Variants in LRRTM4 observed in about 807,000 individuals in gnomAD.
The protein encoded by LRRTM4 is leucine-rich repeat transmembrane neuronal protein 4.
In LRRTM4, 25 loss-of-function variants were observed where a neutral mutation model predicts 47.6. The observed-to-expected ratio is 0.53, with a 90% CI of 0.38 to 0.73. The LOEUF (loss-of-function observed/expected upper bound fraction) is 0.73. Among genes scored for constraint, LRRTM4 ranks in the 30% least tolerant of loss-of-function variants. The probability of loss-of-function intolerance (pLI) is 0.00; values close to 1 mark genes in which losing one functional copy is unlikely to be tolerated. For missense variants in LRRTM4, 638 were observed against 713.4 expected (o/e 0.89, Z 1.20); for synonymous variants, 311 against 269.5 (o/e 1.15, Z -1.51).
At chr2:77,221,010 G>T (rs2103947495) in intron 3 of LRRTM4, among the ~76,000 whole-genome samples, 1 of 152,298 alleles carries the variant, frequency 6.6e-6, no homozygotes, top group South Asian at 2.1e-4. Context: ...TGATCTCTTG[G>T]CAGAAATTCT....
chr2:77,257,849 C>T (rs548464752), intron 3 of LRRTM4, among the ~76,000 whole-genome samples: 88 of 151,978 alleles, frequency 5.8e-4, no homozygotes, highest in Non-Finnish European at 1.1e-3. Flanking sequence ...TAGCAATACC[C>T]ATAAGGGAAA....
chr2:77,389,226 T>C (rs972441914), intron 3 of LRRTM4, among the ~76,000 whole-genome samples: 1 of 152,190 alleles, frequency 6.6e-6, no homozygotes, highest in African/African-American at 2.4e-5. Flanking sequence ...TATACCTATA[T>C]TTTAATATAA....
intron 3 of LRRTM4, among the ~76,000 whole-genome samples, chr2:77,097,528 A>C (rs1670843003): frequency 6.6e-6 from 1 of 152,020 alleles, no homozygotes; most frequent in Non-Finnish European, 1.5e-5. Context: ...ACAAGATATA[A>C]TAAATAGAAA....
intron 3 of LRRTM4, among the ~76,000 whole-genome samples, chr2:77,407,933 G>A (rs1674277799): frequency 6.6e-6 from 1 of 151,138 alleles, no homozygotes; most frequent in Non-Finnish European, 1.5e-5. Flanking sequence ...TGGCAACAGA[G>A]GAAACAAATC....
At chr2:77,059,880 G>T (rs1279064841) in intron 3 of LRRTM4, among the ~76,000 whole-genome samples, 1 of 152,134 alleles carries the variant, frequency 6.6e-6, no homozygotes, top group African/African-American at 2.4e-5. Flanking sequence ...TCTCTCAAGA[G>T]CAGCAGGCTT....
chr2:76,929,263 A>G (rs541294737), intron 3 of LRRTM4, among the ~76,000 whole-genome samples: 1 of 152,268 alleles, frequency 6.6e-6, no homozygotes, highest in Non-Finnish European at 1.5e-5. Context: ...GTGGGGTGAC[A>G]TTAAACAGCT....
In LRRTM4 at chr2:77,068,140, T is replaced by G. The variant is rs550916979; in HGVS notation, c.1552-319224A>C. Among the ~76,000 whole-genome samples the G allele has an allele frequency of 9.2e-5, 14 of 152,272 alleles. 1 individual carries two copies. Among genetic ancestry groups the G allele is most frequent in the African/African-American group, 3.4e-4 (14 of 41,566 alleles). On this transcript the variant is annotated intron_variant, in intron 3 of 3. Coordinates refer to ENST00000409884, the MANE Select transcript of LRRTM4 (RefSeq NM_001134745.3). ...ATAAATATAGAGACTGGTTTATTTG[T>G]GTATAATCTATTATGGAAATAAGAC...
chr2:77,005,899 C>G (rs149028440), intron 3 of LRRTM4, among the ~76,000 whole-genome samples: 109 of 152,252 alleles, frequency 7.2e-4, no homozygotes, highest in Middle Eastern at 3.4e-3. Flanking sequence ...TTAACATCCT[C>G]TTGTGTTAGT....
intron 3 of LRRTM4, among the ~76,000 whole-genome samples, chr2:77,252,488 T>C (rs927964488): frequency 6.6e-6 from 1 of 152,194 alleles, no homozygotes; most frequent in African/African-American, 2.4e-5. Context: ...TGACTCTATG[T>C]AACCACCCTC....
chr2:76,804,731 C>T (rs1486895692), intron 3 of LRRTM4, among the ~76,000 whole-genome samples: 1 of 144,070 alleles, frequency 6.9e-6, no homozygotes, highest in African/African-American at 2.5e-5. Flanking sequence ...AATGATATAT[C>T]ATGTTTTATA....
At chr2:77,045,159 G>A (rs1679192252) in intron 3 of LRRTM4, among the ~76,000 whole-genome samples, 1 of 151,872 alleles carries the variant, frequency 6.6e-6, no homozygotes, top group Admixed American at 6.6e-5. Context: ...TACATGGAGA[G>A]GCAGGGATTG....
chr2:76,910,914 G>C (rs1674031139), intron 3 of LRRTM4, among the ~76,000 whole-genome samples: 1 of 152,162 alleles, frequency 6.6e-6, no homozygotes, highest in Admixed American at 6.6e-5. Context: ...AAAAGATGCT[G>C]ATGTGCTTAA....
intron 3 of LRRTM4, among the ~76,000 whole-genome samples, chr2:77,022,916 CA>C (rs1182719853): frequency 3.9e-5 from 6 of 152,206 alleles, no homozygotes; most frequent in Non-Finnish European, 8.8e-5. Context: ...CTCCACTAGG[CA>C]GTCCCCAGTA....
intron 3 of LRRTM4, among the ~76,000 whole-genome samples, chr2:76,911,484 T>G (rs1674053912): frequency 6.6e-6 from 1 of 152,162 alleles, no homozygotes; most frequent in African/African-American, 2.4e-5. Flanking sequence ...TTTCAAAAAT[T>G]TTAAATCCAG....
intron 3 of LRRTM4, among the ~76,000 whole-genome samples, chr2:77,223,260 T>G (rs1674696927): frequency 6.6e-6 from 1 of 152,152 alleles, no homozygotes; most frequent in Admixed American, 6.5e-5. Context: ...TCATACTGAA[T>G]GCACAAAAAC....
intron 3 of LRRTM4, among the ~76,000 whole-genome samples, chr2:77,464,498 A>G (rs946771558): frequency 1.3e-5 from 2 of 152,112 alleles, no homozygotes; most frequent in African/African-American, 4.8e-5. Context: ...AAAATTATTA[A>G]TGAGCTATTT....
At chr2:77,375,620 C>A (rs776970131) in intron 3 of LRRTM4, among the ~76,000 whole-genome samples, 26 of 151,698 alleles carry the variant, frequency 1.7e-4, no homozygotes, top group Admixed American at 3.3e-4. Flanking sequence ...CCCTTGCAAG[C>A]ACCATTCTAT....
At position 77,065,691 on chromosome 2, in the gene LRRTM4, A is replaced by G. The variant is rs369811277; in HGVS notation, c.1552-316775T>C. On this transcript the variant is annotated intron_variant, in intron 3 of 3. Coordinates refer to ENST00000409884, the MANE Select transcript of LRRTM4 (RefSeq NM_001134745.3). ...AAACAGAGTGTAACACAGGAACAAG[A>G]CATTTTGCTAAAGCTCAGTGAATTC... 3.2e-4 allele frequency among the ~76,000 whole-genome samples: 49 copies of G among 152,310 alleles called. 1 individual carries two copies. The East Asian group carries it at 3.3e-3, about 10-fold the overall frequency.
chr2:76,967,074 C>T (rs1386455249), intron 3 of LRRTM4, among the ~76,000 whole-genome samples: 1 of 151,156 alleles, frequency 6.6e-6, no homozygotes, highest in Admixed American at 6.6e-5. Flanking sequence ...CATCACATAA[C>T]ATCACATGTT....
Sources: allele counts gnomAD v4.1 joint callset (sites outside exome capture counted in the v4.1 genomes callset), GRCh38; gene constraint gnomAD v4.1.1; transcripts MANE v1.5; gene names NCBI Gene and HGNC (gene_info 2026-07-23, HGNC 2026-07-21).